Variants in WWOX observed in about 807,000 individuals in gnomAD.
WWOX encodes the protein WW domain-containing oxidoreductase.
WWOX carries 69 observed loss-of-function variants against 46.2 expected under a neutral mutation model. The observed-to-expected ratio is 1.49, with a 90% CI of 1.23 to 1.82. The LOEUF (loss-of-function observed/expected upper bound fraction) is 1.82. WWOX is among the 40% of genes most tolerant of loss of function. The probability of loss-of-function intolerance (pLI) is 0.00; values close to 1 mark genes in which losing one functional copy is unlikely to be tolerated. For synonymous variants in WWOX, 359 were observed against 202.6 expected (o/e 1.77, Z -6.56); for missense variants, 919 against 542.6 (o/e 1.69, Z -6.89).
chr16:78,526,574 C>A (rs143882832), intron 8 of WWOX: 1 of 152,092 alleles, frequency 6.6e-6, no homozygotes, highest in African/African-American at 2.4e-5. Flanking sequence ...ACAGGTGTCC[C>A]CCAGATTGGA....
intron 8 of WWOX, among the ~76,000 whole-genome samples, chr16:78,780,939 G>A (rs2050309515): frequency 6.6e-6 from 1 of 152,214 alleles, no homozygotes; most frequent in Non-Finnish European, 1.5e-5. Context: ...AGCAGCAGAA[G>A]TGTGCAGGAT....
chr16:78,140,840 G>A (rs1347336476), intron 4 of WWOX, among the ~76,000 whole-genome samples: 1 of 152,168 alleles, frequency 6.6e-6, no homozygotes, highest in Non-Finnish European at 1.5e-5. Context: ...TAGACCAATA[G>A]CAACTGTGCT....
chr16:79,119,362 A>C (rs1488684579), intron 8 of WWOX, among the ~76,000 whole-genome samples: 1 of 152,214 alleles, frequency 6.6e-6, no homozygotes, highest in Non-Finnish European at 1.5e-5. Context: ...CGTTATATTA[A>C]TGGATGACAA....
At chr16:78,590,632 ATGTCT>A (rs72223684) in intron 8 of WWOX, among the ~76,000 whole-genome samples, 9,888 of 152,236 alleles carry the variant, frequency 0.065, 457 homozygotes, top group East Asian at 0.21. Flanking sequence ...GCAGATGGAA[ATGTCT>A]TGTAACTCAG....
chr16:78,708,037 G>A (rs752381907), intron 8 of WWOX, among the ~76,000 whole-genome samples: 1 of 151,936 alleles, frequency 6.6e-6, no homozygotes, highest in South Asian at 2.1e-4. Context: ...TAGAATACAG[G>A]ACACCTGGCC....
chr16:78,558,100 C>G (rs746773570), intron 8 of WWOX, among the ~76,000 whole-genome samples: 1 of 152,024 alleles, frequency 6.6e-6, no homozygotes, highest in Non-Finnish European at 1.5e-5. Flanking sequence ...CTGAAGGCCC[C>G]GGCTCATTCT....
chr16:79,112,988 T>G (rs1461696943), intron 8 of WWOX, among the ~76,000 whole-genome samples: 1 of 152,240 alleles, frequency 6.6e-6, no homozygotes, highest in Non-Finnish European at 1.5e-5. Flanking sequence ...TTGCTCATCT[T>G]CATGATCTAG....
chr16:78,227,535 AC>A (rs2151803603), intron 5 of WWOX, among the ~76,000 whole-genome samples: 1 of 152,270 alleles, frequency 6.6e-6, no homozygotes, highest in South Asian at 2.1e-4. Context: ...TGTCCACTGG[AC>A]TTCAGTATCC....
intron 5 of WWOX, among the ~76,000 whole-genome samples, chr16:78,369,061 C>CT (rs35263202): frequency 0.074 from 11,045 of 149,156 alleles, 438 homozygotes; most frequent in East Asian, 0.13. Flanking sequence ...TTTTCTTTCC[C>CT]TTTTTTTTTT....
intron 8 of WWOX, among the ~76,000 whole-genome samples, chr16:78,499,583 G>C (rs1244068728): frequency 6.6e-6 from 1 of 152,202 alleles, no homozygotes; most frequent in Non-Finnish European, 1.5e-5. Flanking sequence ...CCTGCCTCCT[G>C]GCCCAGGGCC....
At chr16:78,980,989 T>C (rs1178895129) in intron 8 of WWOX, among the ~76,000 whole-genome samples, 2 of 152,188 alleles carry the variant, frequency 1.3e-5, no homozygotes, top group African/African-American at 4.8e-5. Flanking sequence ...TCTTGGCTTA[T>C]GTAGAAATCT....
At chr16:79,062,239 T>C (rs1041605298) in intron 8 of WWOX, among the ~76,000 whole-genome samples, 1 of 152,176 alleles carries the variant, frequency 6.6e-6, no homozygotes, top group Non-Finnish European at 1.5e-5. Flanking sequence ...TTTAAAACCA[T>C]AATGGGACAT....
Position 78,337,821 on chromosome 16 carries a change from CCCTT to C in WWOX, c.517-49038_517-49035del, listed in dbSNP as rs2080928503. ...CTAGAGTTTCTTGGCTATCCTATTT[CCCTT>C]TTGTTTCCACCATGAAGAAGTGGAG... On this transcript the variant is annotated intron_variant, in intron 5 of 8. Coordinates refer to ENST00000566780, the MANE Select transcript of WWOX (RefSeq NM_016373.4). Among the ~76,000 whole-genome samples the C allele has an allele frequency of 6.7e-5, 4 of 59,750 alleles. 1 individual carries two copies. Among genetic ancestry groups the C allele is most frequent in the Non-Finnish European group, 1.0e-4 (2 of 19,526 alleles). 39.2% of individuals were successfully genotyped at this position (59,750 alleles called of 152,430 possible).
chr16:78,411,011 A>G (rs1484571760), intron 6 of WWOX, among the ~76,000 whole-genome samples: 1 of 152,264 alleles, frequency 6.6e-6, no homozygotes, highest in South Asian at 2.1e-4. Context: ...TTGATAACAC[A>G]GCAGTTAGCT....
At chr16:78,870,544 G>T (rs982454614) in intron 8 of WWOX, among the ~76,000 whole-genome samples, 6 of 151,444 alleles carry the variant, frequency 4.0e-5, no homozygotes, top group Non-Finnish European at 1.5e-5. Flanking sequence ...TTTTAAATAT[G>T]TAATTCTTCC....
intron 8 of WWOX, among the ~76,000 whole-genome samples, chr16:78,851,685 C>A (rs945695755): frequency 2.0e-5 from 3 of 152,174 alleles, no homozygotes; most frequent in African/African-American, 4.8e-5. Flanking sequence ...TTTCAAAATA[C>A]AAGGTGACTC....
chr16:78,271,250 A>C (rs1035298109), intron 5 of WWOX, among the ~76,000 whole-genome samples: 1 of 152,154 alleles, frequency 6.6e-6, no homozygotes, highest in African/African-American at 2.4e-5. Context: ...CTGAGTTTCA[A>C]ATCTGTTGTA....
At chr16:78,898,371 T>G (rs1461871860) in intron 8 of WWOX, 1 of 152,158 alleles carries the variant, frequency 6.6e-6, no homozygotes, top group Non-Finnish European at 1.5e-5. Context: ...GACTCTCCAA[T>G]TGTTCTAGCA....
At chr16:78,602,183 C>CTTCA (rs1347275815) in intron 8 of WWOX, among the ~76,000 whole-genome samples, 1 of 152,156 alleles carries the variant, frequency 6.6e-6, no homozygotes, top group Non-Finnish European at 1.5e-5. Context: ...TTACCTCTTA[C>CTTCA]TTCAGTATTT....
Sources: allele counts gnomAD v4.1 joint callset (sites outside exome capture counted in the v4.1 genomes callset), GRCh38; gene constraint gnomAD v4.1.1; transcripts MANE v1.5; gene names NCBI Gene and HGNC (gene_info 2026-07-23, HGNC 2026-07-21).